USP49: variants seen among roughly 807,000 people sequenced by gnomAD.
USP49 encodes ubiquitin specific peptidase 49.
A neutral mutation model predicts 58.6 loss-of-function variants in USP49; 24 were observed. The ratio of observed to expected loss-of-function variants is 0.41; its 90% CI spans 0.30 to 0.58. The LOEUF (loss-of-function observed/expected upper bound fraction) is 0.58, where lower values mean the gene tolerates loss of function less well. USP49 is among the 20% of genes least tolerant of loss of function. USP49 has a pLI of 0.30. For synonymous variants in USP49, 408 were observed against 365.1 expected (o/e 1.12, Z -1.34); for missense variants, 703 against 866.1 (o/e 0.81, Z 2.36).
intron 3 of USP49, among the ~76,000 whole-genome samples, chr6:41,868,314 T>G (rs1235290323): frequency 1.3e-5 from 2 of 151,956 alleles, no homozygotes; most frequent in African/African-American, 2.4e-5. Flanking sequence ...ACTTCTGTAT[T>G]TATTTATTTA....
chr6:41,892,796 TA>T (rs1774832148), intron 1 of USP49, among the ~76,000 whole-genome samples: 1 of 152,176 alleles, frequency 6.6e-6, no homozygotes, highest in African/African-American at 2.4e-5. Flanking sequence ...CACAATGAAA[TA>T]ACCCCAAAGA....
intron 3 of USP49, among the ~76,000 whole-genome samples, chr6:41,837,626 A>T (rs1288035470): frequency 4.6e-5 from 7 of 152,308 alleles, no homozygotes; most frequent in African/African-American, 1.7e-4. Context: ...AGAGCATAGC[A>T]AAGAACAACA....
At chr6:41,879,655 C>CA (rs1336108486) in intron 2 of USP49, among the ~76,000 whole-genome samples, 5 of 152,102 alleles carry the variant, frequency 3.3e-5, no homozygotes, top group African/African-American at 1.2e-4. Context: ...GGACTAGGCA[C>CA]AACTAGGGGC....
intron 5 of USP49, among the ~76,000 whole-genome samples, chr6:41,801,724 G>A (rs1450953781): frequency 1.3e-5 from 2 of 152,194 alleles, no homozygotes; most frequent in African/African-American, 2.4e-5. Context: ...AGATTGATCA[G>A]TTCTGTCTCC....
intron 3 of USP49, among the ~76,000 whole-genome samples, 182 bp downstream of exon 3, chr6:41,871,382 A>G (rs1774409739): frequency 6.6e-6 from 1 of 152,190 alleles, no homozygotes; most frequent in South Asian, 2.1e-4. Context: ...GCTTAAGTTA[A>G]TTCGTGGTAC....
Position 41,789,998 on chromosome 6 carries a change from CA to C in USP49, c.*6534del, listed in dbSNP as rs1263651560. 1.3e-5 allele frequency: 2 copies of C among 149,618 alleles called. No homozygotes were observed. Among genetic ancestry groups the C allele is most frequent in the South Asian group, 2.1e-4 (1 of 4,754 alleles). 9.3% of individuals were successfully genotyped at this position (149,618 alleles called of 1,614,324 possible). ...TGATTTATATTTCACACTTGAGAGA[CA>C]AAAACAAGCCCCAAAACATGGATTT... On this transcript the variant is annotated 3_prime_UTR_variant, in exon 8 of 8. Transcript: ENST00000682992.
chr6:41,799,505 T>G (rs1243265775), intron 6 of USP49, among the ~76,000 whole-genome samples: 1 of 152,240 alleles, frequency 6.6e-6, no homozygotes, highest in African/African-American at 2.4e-5. Flanking sequence ...CTGCCTGTGC[T>G]TCTTTTGCAG....
intron 2 of USP49, among the ~76,000 whole-genome samples, chr6:41,874,678 C>T (rs1199694566): frequency 6.6e-6 from 1 of 152,140 alleles, no homozygotes; most frequent in African/African-American, 2.4e-5. Context: ...CGGAAATATA[C>T]CAGGCTGGGA....
intron 3 of USP49, chr6:41,868,995 C>T (rs1349876486): frequency 6.6e-6 from 1 of 151,066 alleles, no homozygotes; most frequent in African/African-American, 2.4e-5. Context: ...AACTCCTGAC[C>T]TCAGGTGATC....
At position 41,805,551 on chromosome 6, in the gene USP49, A is replaced by G. The variant is rs569924491; in HGVS notation, c.1356+77T>C. The stretch of plus-strand genomic sequence containing the variant: ...AATGTGGGCTACTCTTATTAGCCCA[A>G]TAACCCGGGGAAGGCACTCACAGGA... On this transcript the variant is annotated intron_variant, in intron 4 of 7. Transcript: ENST00000682992. 28 of 1,472,006 alleles carry G rather than the reference A, an allele frequency of 1.9e-5. No homozygotes were observed. In the East Asian group the frequency reaches 6.4e-4, roughly 34 times the overall value. 91.2% of individuals were successfully genotyped at this position (1,472,006 alleles called of 1,614,324 possible).
intron 5 of USP49, among the ~76,000 whole-genome samples, chr6:41,802,490 T>A (rs1773037766): frequency 7.4e-6 from 1 of 134,758 alleles, no homozygotes; most frequent in Admixed American, 7.7e-5. Flanking sequence ...TTTTTTTTTT[T>A]TGAGACAGCA....
chr6:41,876,541 G>A (rs1774507710), intron 2 of USP49, among the ~76,000 whole-genome samples: 1 of 152,056 alleles, frequency 6.6e-6, no homozygotes, highest in African/African-American at 2.4e-5. Flanking sequence ...AGCCTTCCAA[G>A]TAGCTGGGAC....
intron 3 of USP49, among the ~76,000 whole-genome samples, chr6:41,829,768 G>C (rs1773604540): frequency 6.6e-6 from 1 of 152,156 alleles, no homozygotes; most frequent in Admixed American, 6.6e-5. Context: ...AACTTGAGAG[G>C]GAACAGGTCT....
intron 7 of USP49, among the ~76,000 whole-genome samples, chr6:41,797,461 G>T (rs1240271331): frequency 6.6e-6 from 1 of 152,200 alleles, no homozygotes; most frequent in African/African-American, 2.4e-5. Flanking sequence ...AGCTCTGGCT[G>T]CCCCAAGGGC....
At chr6:41,843,486 C>A (rs751401809) in intron 3 of USP49, among the ~76,000 whole-genome samples, 31 of 152,092 alleles carry the variant, frequency 2.0e-4, no homozygotes, top group Non-Finnish European at 3.5e-4. Flanking sequence ...ATTTGTGGAA[C>A]ATAGAATTTT....
At chr6:41,890,705 T>C (rs1335640081) in intron 2 of USP49, among the ~76,000 whole-genome samples, 3 of 152,240 alleles carry the variant, frequency 2.0e-5, no homozygotes, top group East Asian at 1.9e-4. Context: ...TAATAATATA[T>C]GGGGAAATTG....
At chr6:41,829,783 T>C (rs1444557080) in intron 3 of USP49, among the ~76,000 whole-genome samples, 1 of 152,196 alleles carries the variant, frequency 6.6e-6, no homozygotes, top group Non-Finnish European at 1.5e-5. Context: ...AGGTCTGTAG[T>C]TTTACTGTTA....
chr6:41,835,249 G>T (rs1773704590), intron 3 of USP49, among the ~76,000 whole-genome samples: 1 of 152,212 alleles, frequency 6.6e-6, no homozygotes, highest in South Asian at 2.1e-4. Context: ...CATTTAGCAT[G>T]CAAAGGAGTC....
At chr6:41,811,002 T>A (rs1773249385) in intron 3 of USP49, among the ~76,000 whole-genome samples, 1 of 152,148 alleles carries the variant, frequency 6.6e-6, no homozygotes, top group Non-Finnish European at 1.5e-5. Flanking sequence ...CCTTTAATTT[T>A]CCAGATGCCG....
Sources: allele counts gnomAD v4.1 joint callset (sites outside exome capture counted in the v4.1 genomes callset), GRCh38; gene constraint gnomAD v4.1.1; transcripts MANE v1.5; gene names NCBI Gene and HGNC (gene_info 2026-07-23, HGNC 2026-07-21).